The following DNAJA3 variants were observed in gnomAD, a reference collection of about 807,000 sequenced individuals.
DNAJA3 encodes the protein dnaJ homolog subfamily A member 3, mitochondrial.
In DNAJA3, 29 loss-of-function variants were observed where a neutral mutation model predicts 54.9. The ratio of observed to expected loss-of-function variants is 0.53; its 90% confidence interval spans 0.39 to 0.72. The LOEUF (loss-of-function observed/expected upper bound fraction) is 0.72. Among genes scored for constraint, DNAJA3 ranks in the 30% least tolerant of loss-of-function variants. The probability of loss-of-function intolerance (pLI) is 0.00; values close to 1 mark genes in which losing one functional copy is unlikely to be tolerated. For synonymous variants in DNAJA3, 302 were observed against 251.4 expected (o/e 1.20, Z -1.90); for missense variants, 708 against 639.4 (o/e 1.11, Z -1.16).
chr16:4,445,006 A>C (rs893737362), intron 7 of DNAJA3, among the ~76,000 whole-genome samples: 5 of 152,178 alleles, frequency 3.3e-5, no homozygotes, highest in African/African-American at 9.6e-5. Flanking sequence ...TTATGATAAG[A>C]TTGTTGATGA....
chr16:4,441,102 G>A, intron 3 of DNAJA3: 2 of 517,392 alleles, frequency 3.9e-6, no homozygotes, highest in Non-Finnish European at 6.8e-6. Context: ...GAGGTCAAGC[G>A]AGGATCAACA....
At chr16:4,449,181 A>G (rs933390958) in intron 9 of DNAJA3, among the ~76,000 whole-genome samples, 4 of 151,094 alleles carry the variant, frequency 2.6e-5, no homozygotes, top group Admixed American at 2.6e-4. Context: ...TATTTTTAGT[A>G]GAGATGGGGT....
intron 2 of DNAJA3, among the ~76,000 whole-genome samples, chr16:4,436,795 C>CA (rs2056777388): frequency 6.6e-6 from 1 of 152,204 alleles, no homozygotes; most frequent in Admixed American, 6.5e-5. Context: ...CTCAGCATCT[C>CA]AAAGTGCTGG....
rs576916854 is a variant in DNAJA3, at chr16:4,440,783, C to T, written c.430-592C>T. ...GCCAGGAGTTTGAAAGCAGCCTGGG[C>T]AACATAGCAAGACCCTGTCTCTACA... On this transcript the variant is annotated intron_variant, in intron 3 of 11. Coordinates refer to ENST00000262375, the MANE Select transcript of DNAJA3 (RefSeq NM_005147.6). 10 of 152,762 alleles carry T rather than the reference C, an allele frequency of 6.5e-5. No individual in the cohort carries two copies. In the South Asian group the frequency reaches 1.9e-3, roughly 28 times the overall value. The allele number at this position is 152,762 out of a possible 1,614,324, so 9.5% of individuals were successfully genotyped here. A position where few individuals can be genotyped will look rare whatever the true frequency, so the allele number is the denominator to read the frequency against.
intron 1 of DNAJA3, chr16:4,433,271 A>T (rs1019751290): frequency 3.9e-5 from 6 of 152,230 alleles, no homozygotes; most frequent in Non-Finnish European, 5.9e-5. Context: ...AAGTCATCCT[A>T]GTTAGTAACC....
intron 3 of DNAJA3, 197 bp from the exon 4 acceptor site, chr16:4,441,178 C>A: frequency 1.7e-6 from 1 of 592,060 alleles, no homozygotes; most frequent in East Asian, 2.8e-5. Flanking sequence ...ACTTCACGCC[C>A]TACACTTAGC....
At chr16:4,433,937 G>C (rs1257550936) in intron 1 of DNAJA3, 2 of 209,398 alleles carry the variant, frequency 9.6e-6, no homozygotes, top group Admixed American at 5.6e-5. Flanking sequence ...GTATTAGTCT[G>C]TTCTCATGCA....
chr16:4,450,638 T>C (rs2056966925), intron 10 of DNAJA3, 141 bp downstream of exon 10: 4 of 636,728 alleles, frequency 6.3e-6, no homozygotes. Context: ...AGAGGGGGGC[T>C]GTGGGCGGGG....
chr16:4,454,063 A>AGCTTCCCTAG (rs748226694), intron 10 of DNAJA3, among the ~76,000 whole-genome samples: 6 of 152,208 alleles, frequency 3.9e-5, no homozygotes, highest in Non-Finnish European at 8.8e-5. Context: ...ATTGCAGCAC[A>AGCTTCCCTAG]GCTTCCCTAG....
At chr16:4,431,247 C>G (rs138625202) in intron 1 of DNAJA3, 105 of 152,230 alleles carry the variant, frequency 6.9e-4, no homozygotes, top group African/African-American at 2.0e-3. Context: ...TGGACTGGGC[C>G]GGGCAACCCC....
At chr16:4,450,092 T>A (rs2056959072) in intron 9 of DNAJA3, 1 of 275,204 alleles carries the variant, frequency 3.6e-6, no homozygotes, top group Non-Finnish European at 6.8e-6. Flanking sequence ...CTGGCCTAAT[T>A]AGATAATTTC....
intron 10 of DNAJA3, among the ~76,000 whole-genome samples, chr16:4,451,685 A>C (rs1309444582): frequency 1.4e-5 from 2 of 141,008 alleles, no homozygotes; most frequent in Admixed American, 1.5e-4. Context: ...TGAACCCAGG[A>C]GGCAGAGGAT....
At chr16:4,441,148 T>A in intron 3 of DNAJA3, 1 of 546,306 alleles carries the variant, frequency 1.8e-6, no homozygotes, top group South Asian at 2.7e-5. Context: ...GGCGGGAGAG[T>A]TCGTGAGACT....
intron 10 of DNAJA3, among the ~76,000 whole-genome samples, chr16:4,452,336 C>T (rs1459004210): frequency 6.6e-6 from 1 of 152,164 alleles, no homozygotes; most frequent in East Asian, 1.9e-4. Context: ...TCCTTCCCTC[C>T]TCCCGCCCAT....
At chr16:4,444,367 C>T (rs1486020620) in intron 6 of DNAJA3, among the ~76,000 whole-genome samples, 3 of 142,350 alleles carry the variant, frequency 2.1e-5, no homozygotes, top group East Asian at 2.0e-4. Context: ...TTTTTTAAGA[C>T]GGAGTCTCGC....
chr16:4,455,510 T>A, intron 11 of DNAJA3, 36 bp from the exon 12 acceptor site: 1 of 1,551,032 alleles, frequency 6.4e-7, no homozygotes, highest in Non-Finnish European at 8.7e-7. Flanking sequence ...CCTTGAAATG[T>A]TGAGTATAAG....
At chr16:4,451,317 C>T (rs754995417) in intron 10 of DNAJA3, among the ~76,000 whole-genome samples, 6 of 152,046 alleles carry the variant, frequency 3.9e-5, no homozygotes, top group Non-Finnish European at 8.8e-5. Context: ...CATGGTAATT[C>T]GTAGCAGGTG....
chr16:4,448,901 C>T, intron 9 of DNAJA3, 53 bp downstream of exon 9: 1 of 1,373,290 alleles, frequency 7.3e-7, no homozygotes, highest in Non-Finnish European at 1.0e-6. Flanking sequence ...GGTGGCACTG[C>T]CCTTGGAGCT....
intron 1 of DNAJA3, 195 bp from the exon 2 acceptor site, chr16:4,434,189 C>A: frequency 1.7e-6 from 1 of 581,900 alleles, no homozygotes; most frequent in South Asian, 2.2e-5. Context: ...GATTCAGTTA[C>A]CTCCCATCAG....
Sources: allele counts gnomAD v4.1 joint callset (sites outside exome capture counted in the v4.1 genomes callset), GRCh38; gene constraint gnomAD v4.1.1; transcripts MANE v1.5; gene names NCBI Gene and HGNC (gene_info 2026-07-23, HGNC 2026-07-21).